Variants in NRXN1 observed in about 807,000 individuals in gnomAD.
The protein encoded by NRXN1 is neurexin-1.
A neutral mutation model predicts 150.9 loss-of-function variants in NRXN1; 39 were observed. The ratio of observed to expected loss-of-function variants is 0.26; its 90% confidence interval spans 0.20 to 0.34. The LOEUF (loss-of-function observed/expected upper bound fraction) is 0.34. Ranked by LOEUF, NRXN1 falls within the 10% of genes least tolerant of loss-of-function variation. NRXN1 has a pLI of 1.00. For synonymous variants in NRXN1, 924 were observed against 757.0 expected (o/e 1.22, Z -3.62); for missense variants, 1,815 against 1,949.9 (o/e 0.93, Z 1.30).
rs1276415767 is a variant in NRXN1, at chr2:51,028,308, G to C, written c.-35C>G. Reference sequence around the variant, plus strand: ...TGGGGTGCGGCGGGGGGGTGCCGGGGCCGACAGGGTCAAAATGGTCCTGGA... The same window carrying C: ...TGGGGTGCGGCGGGGGGGTGCCGGGCCCGACAGGGTCAAAATGGTCCTGGA... On this transcript the variant is annotated 5_prime_UTR_variant, in exon 2 of 23. Coordinates refer to ENST00000401669, the MANE Select transcript of NRXN1 (RefSeq NM_001330078.2). The C allele has an allele frequency of 7.2e-7, 1 of 1,380,138 alleles. No individual in the cohort carries two copies. Among genetic ancestry groups the C allele is most frequent in the Non-Finnish European group, 9.5e-7 (1 of 1,055,128 alleles). The allele number at this position is 1,380,138 out of a possible 1,614,324, so 85.5% of individuals were successfully genotyped here. A position where few individuals can be genotyped will look rare whatever the true frequency, so the allele number is the denominator to read the frequency against.
intron 17 of NRXN1, among the ~76,000 whole-genome samples, chr2:50,437,426 C>T (rs1004608344): frequency 2.0e-5 from 3 of 152,266 alleles, no homozygotes; most frequent in Admixed American, 6.5e-5. Context: ...AATGTTCTAA[C>T]GCAAGTCCCA....
At chr2:50,198,504 C>T (rs958860598) in intron 18 of NRXN1, among the ~76,000 whole-genome samples, 2 of 152,060 alleles carry the variant, frequency 1.3e-5, no homozygotes, top group Non-Finnish European at 2.9e-5. Flanking sequence ...CTCTCGAATG[C>T]CCATAATGTA....
At chr2:50,871,311 A>G (rs1465133556) in intron 5 of NRXN1, among the ~76,000 whole-genome samples, 1 of 151,950 alleles carries the variant, frequency 6.6e-6, no homozygotes, top group Admixed American at 6.6e-5. Context: ...TTACAAAGCT[A>G]AATGTTTTTT....
At chr2:50,404,152 T>C (rs1468827184) in intron 17 of NRXN1, among the ~76,000 whole-genome samples, 3 of 125,190 alleles carry the variant, frequency 2.4e-5, no homozygotes, top group Admixed American at 1.7e-4. Flanking sequence ...ATATTTTGTT[T>C]AGTTTTTTTT....
chr2:50,981,316 G>C (rs1389409159), intron 2 of NRXN1, among the ~76,000 whole-genome samples: 2 of 151,624 alleles, frequency 1.3e-5, no homozygotes, highest in African/African-American at 4.8e-5. Flanking sequence ...AAATTAGCCA[G>C]GTGTGGTGAC....
At chr2:50,218,383 A>T (rs1487035718) in intron 18 of NRXN1, among the ~76,000 whole-genome samples, 1 of 151,980 alleles carries the variant, frequency 6.6e-6, no homozygotes, top group Non-Finnish European at 1.5e-5. Flanking sequence ...AGCTCTTAGT[A>T]TGAATACCAT....
intron 17 of NRXN1, among the ~76,000 whole-genome samples, chr2:50,285,400 C>T (rs984402677): frequency 1.3e-5 from 2 of 152,130 alleles, no homozygotes; most frequent in Admixed American, 6.5e-5. Context: ...CATTCCATAG[C>T]AGGGCGCAGT....
chr2:50,722,763 T>G (rs189182641), intron 5 of NRXN1, among the ~76,000 whole-genome samples: 1 of 152,200 alleles, frequency 6.6e-6, no homozygotes, highest in Non-Finnish European at 1.5e-5. Flanking sequence ...CAAAAATCAA[T>G]TTGAAATTCT....
chr2:50,627,593 A>C (rs1681380969), intron 5 of NRXN1, among the ~76,000 whole-genome samples: 1 of 142,150 alleles, frequency 7.0e-6, no homozygotes, highest in Admixed American at 7.4e-5. Context: ...GAGGCAATCT[A>C]TGAAAGCTTT....
chr2:50,952,291 T>G (rs1256408643), intron 2 of NRXN1, among the ~76,000 whole-genome samples: 2 of 152,116 alleles, frequency 1.3e-5, no homozygotes. Context: ...ATACTGAATA[T>G]GAGACCCTGT....
At chr2:50,478,856 C>T (rs2090210175) in intron 15 of NRXN1, among the ~76,000 whole-genome samples, 1 of 152,182 alleles carries the variant, frequency 6.6e-6, no homozygotes, top group African/African-American at 2.4e-5. Context: ...TCAACTACTG[C>T]CAAGGGGTGA....
chr2:50,569,848 T>A (rs1670398199), intron 8 of NRXN1, among the ~76,000 whole-genome samples: 1 of 152,250 alleles, frequency 6.6e-6, no homozygotes, highest in East Asian at 1.9e-4. Flanking sequence ...TACAACAAAT[T>A]GTTATATAAA....
intron 5 of NRXN1, among the ~76,000 whole-genome samples, chr2:50,899,985 T>C (rs1185110743): frequency 6.6e-6 from 1 of 152,150 alleles, no homozygotes; most frequent in Non-Finnish European, 1.5e-5. Context: ...ATGTAATAAC[T>C]GAAGAGACAA....
rs147864470 is a variant in NRXN1, at chr2:50,223,597, A to G, written c.3546+13192T>C. 7.2e-5 allele frequency among the ~76,000 whole-genome samples: 11 copies of G among 152,040 alleles called. No homozygotes were observed. In the East Asian group the frequency reaches 1.2e-3, roughly 16 times the overall value. On this transcript the variant is annotated intron_variant, in intron 18 of 22. Coordinates refer to ENST00000401669, the MANE Select transcript of NRXN1 (RefSeq NM_001330078.2). ...AACTCTATTTCTCTGCTGATGCTCT[A>G]TGGGATTTGGAGCCCCCAAAGCCTG...
chr2:49,944,734 T>A (rs1385138921), intron 21 of NRXN1, among the ~76,000 whole-genome samples: 4 of 152,122 alleles, frequency 2.6e-5, no homozygotes, highest in African/African-American at 9.7e-5. Context: ...GAGAATCCAA[T>A]GTATACAAAT....
chr2:49,999,972 A>T (rs1271928406), intron 21 of NRXN1, among the ~76,000 whole-genome samples: 1 of 152,192 alleles, frequency 6.6e-6, no homozygotes, highest in Admixed American at 6.5e-5. Flanking sequence ...GTTTTTAATC[A>T]TAAAACAAAA....
intron 17 of NRXN1, among the ~76,000 whole-genome samples, chr2:50,398,730 G>A (rs1375154798): frequency 1.3e-5 from 2 of 152,054 alleles, no homozygotes; most frequent in Admixed American, 6.6e-5. Context: ...TACCCCAGCT[G>A]GCTCAAAAAA....
intron 19 of NRXN1, among the ~76,000 whole-genome samples, chr2:50,063,869 G>T (rs1694945856): frequency 6.6e-6 from 1 of 152,086 alleles, no homozygotes; most frequent in African/African-American, 2.4e-5. Context: ...GTAATTGCTT[G>T]TTAAGTAATT....
chr2:50,132,366 C>T (rs1237596888), intron 18 of NRXN1, among the ~76,000 whole-genome samples: 1 of 147,756 alleles, frequency 6.8e-6, no homozygotes, highest in Non-Finnish European at 1.5e-5. Context: ...AGTGCAGTGG[C>T]ACAATCTTGG....
Sources: allele counts gnomAD v4.1 joint callset (sites outside exome capture counted in the v4.1 genomes callset), GRCh38; gene constraint gnomAD v4.1.1; transcripts MANE v1.5; gene names NCBI Gene and HGNC (gene_info 2026-07-23, HGNC 2026-07-21).